DPH7: variants seen among roughly 807,000 people sequenced by gnomAD.
DPH7 encodes diphthamide biosynthesis 7.
DPH7 carries 44 observed loss-of-function variants against 41.7 expected under a neutral mutation model. The observed-to-expected ratio is 1.05, with a 90% CI of 0.83 to 1.36. The LOEUF (loss-of-function observed/expected upper bound fraction) is 1.36. Among genes scored for constraint, DPH7 ranks in the 40% most tolerant of loss-of-function variants. The probability of loss-of-function intolerance (pLI) is 0.00; values close to 1 mark genes in which losing one functional copy is unlikely to be tolerated. For synonymous variants in DPH7, 275 were observed against 238.0 expected, an observed-to-expected ratio of 1.16 and a Z score of -1.43; for missense variants, 629 against 577.5, an observed-to-expected ratio of 1.09 and a Z score of -0.91.
intron 2 of DPH7, 82 bp downstream of exon 2, chr9:137,577,388 T>C (rs1433146880): frequency 2.2e-6 from 3 of 1,363,620 alleles, no homozygotes; most frequent in Admixed American, 1.9e-5. Context: ...AATGCCTGTC[T>C]TGTTGAAGGC....
At chr9:137,564,795 C>T in intron 7 of DPH7, 98 bp downstream of exon 7, 1 of 1,463,390 alleles carries the variant, frequency 6.8e-7, no homozygotes, top group Non-Finnish European at 9.3e-7. Context: ...TGCAATGGTG[C>T]CAGGAGGAAA....
chr9:137,571,603 C>T (rs997415265), intron 5 of DPH7, among the ~76,000 whole-genome samples: 8 of 151,840 alleles, frequency 5.3e-5, no homozygotes, highest in Admixed American at 2.0e-4. Flanking sequence ...GCCTGGGCAA[C>T]ATGGTAAAAC....
At chr9:137,574,517 T>A (rs1347310767) in intron 4 of DPH7, 137 bp from the exon 5 acceptor site, 6 of 939,188 alleles carry the variant, frequency 6.4e-6, no homozygotes, top group Non-Finnish European at 9.5e-6. Flanking sequence ...GCGGCTAAGA[T>A]CACAACCACT....
rs191902086 is a variant in DPH7 at position 137,564,208 on chromosome 9, G to T, written c.949+226C>A. Among the ~76,000 whole-genome samples, 59 of 152,372 alleles carry T rather than the reference G, an allele frequency of 3.9e-4. 1 individual carries two copies. Among genetic ancestry groups the T allele is most frequent in the African/African-American group, 1.4e-3 (57 of 41,584 alleles). ...AAATGCAGGAGGCACCGGAATGACGGAGCTGGGAAACCAGGGAAAACTGTG... is the reference window on the plus strand; with the variant it reads ...AAATGCAGGAGGCACCGGAATGACGTAGCTGGGAAACCAGGGAAAACTGTG... On this transcript the variant is annotated intron_variant, in intron 8 of 8. Transcript: ENST00000277540.
At position 137,575,675 on chromosome 9, in the gene DPH7, G is replaced by A. The variant is rs1215802232; in HGVS notation, c.375+405C>T. 5.8e-6 allele frequency: 6 copies of A among 1,036,328 alleles called. No homozygotes were observed. The African/African-American group carries it at 6.7e-5, about 12-fold the overall frequency. The allele number at this position is 1,036,328 out of a possible 1,614,324, so 64.2% of individuals were successfully genotyped here. On this transcript the variant is annotated intron_variant, in intron 3 of 8. Transcript: ENST00000277540. ...TGTTAATGCATGGCTCCAGAGCACT[G>A]TGAGAAACTCGGAAAAATTCACACA...
At chr9:137,578,449 A>C in intron 1 of DPH7, 176 bp downstream of exon 1, 1 of 720,470 alleles carries the variant, frequency 1.4e-6, no homozygotes, top group Non-Finnish European at 2.1e-6. Flanking sequence ...TACAGGCGTG[A>C]GCCACTGCGC....
rs3750384 is a variant in DPH7 at position 137,555,270 on chromosome 9, G to A, written c.1328C>T (p.Ala443Val). ...LLATCSFYDH[A>V]LHLWEWEGN ...CCCCTCCCACTCCCAGAGGTGGAGC[G>A]CATGGTCATAGAAGGAGCAGGTGGC... is the stretch of plus-strand genomic sequence containing the variant. Residue 443 changes from alanine to valine, a missense_variant, in exon 9 of 9, where the codon GCG (alanine) becomes GTG (valine). Transcript: ENST00000277540. 43 of 1,610,642 alleles carry A rather than the reference G, an allele frequency of 2.7e-5. No individual in the cohort carries two copies. In the East Asian group the frequency reaches 4.9e-4, roughly 18 times the overall value.
rs1012892657 is a variant in DPH7 at position 137,556,892 on chromosome 9, C to T, written c.950-1244G>A. ...GGGAAAAAGACAGCGAATGAGTGGA[C>T]GGAAGACACTGTTGCGACCCCAAGA... On this transcript the variant is annotated intron_variant, in intron 8 of 8. Transcript: ENST00000277540. The surrounding 1 kb of genome is among the most constrained non-coding windows in gnomAD (Gnocchi z 5.2). The T allele has an allele frequency of 2.8e-5, 13 of 456,664 alleles. No homozygotes were observed. Among genetic ancestry groups the T allele is most frequent in the African/African-American group, 1.2e-4 (6 of 50,198 alleles). The allele number at this position is 456,664 out of a possible 1,614,324, so 28.3% of individuals were successfully genotyped here.
chr9:137,576,913 T>C (rs1002370890), intron 2 of DPH7, among the ~76,000 whole-genome samples: 1 of 150,378 alleles, frequency 6.6e-6, no homozygotes, highest in African/African-American at 2.4e-5. Context: ...AGAGGCATGG[T>C]GGCATCTACC....
At position 137,576,088 on chromosome 9, in the gene DPH7, C is replaced by A; in HGVS notation, c.367G>T (p.Glu123Ter). The change falls in exon 3 of 9, where the codon GAA becomes TAA. Residue 123 changes from glutamate to a stop codon, truncating the protein, a stop_gained. Transcript: ENST00000277540. LOFTEE classifies it high-confidence loss of function. ...SGSIQLLRLV[E>*]SEKSHVLEPL... ...AAGTGCAAGTCACTGACCTCAGATT[C>A]CACCAGGCGGAGCAGTTGTATGGAT... is the stretch of plus-strand genomic sequence containing the variant. 1 of 1,613,942 alleles carries A rather than the reference C, an allele frequency of 6.2e-7. No homozygotes were observed. The highest frequency in any genetic ancestry group is 8.5e-7 in the Non-Finnish European group (1 of 1,180,036).
At chr9:137,574,462 C>T (rs760160664) in intron 4 of DPH7, 82 bp from the exon 5 acceptor site, 50 of 1,465,550 alleles carry the variant, frequency 3.4e-5, no homozygotes, top group Non-Finnish European at 4.0e-5. Flanking sequence ...TCCTGAGAGA[C>T]GGTCTCCACA....
At chr9:137,577,744 C>G in intron 1 of DPH7, 141 bp from the exon 2 acceptor site, 2 of 1,163,594 alleles carry the variant, frequency 1.7e-6, no homozygotes, top group Non-Finnish European at 2.4e-6. Context: ...CTCTGGTTTT[C>G]TGAGCTGGAG....
rs528999648 is a variant in DPH7, at chr9:137,556,752, C to T, written c.950-1104G>A. The T allele has an allele frequency of 1.3e-5, 6 of 453,802 alleles. No individual in the cohort carries two copies. The highest frequency in any genetic ancestry group is 8.0e-5 in the African/African-American group (4 of 50,108). 28.1% of individuals were successfully genotyped at this position (453,802 alleles called of 1,614,324 possible). ...AGCGTCACAGGGCAGGCAGGACCTC[C>T]GCTAGTCTTTCATCCAGCAATCGCT... is the stretch of plus-strand genomic sequence containing the variant. On this transcript the variant is annotated intron_variant, in intron 8 of 8. Coordinates refer to ENST00000277540, the MANE Select transcript of DPH7 (RefSeq NM_138778.5). This position sits in a 1 kb window ranked among gnomAD's most constrained non-coding sequence, Gnocchi z 5.2.
At chr9:137,576,846 C>T (rs935292958) in intron 2 of DPH7, among the ~76,000 whole-genome samples, 1 of 151,358 alleles carries the variant, frequency 6.6e-6, no homozygotes, top group Non-Finnish European at 1.5e-5. Flanking sequence ...GCCGAGACCG[C>T]GCCACTGCAC....
intron 5 of DPH7, among the ~76,000 whole-genome samples, chr9:137,572,453 T>A (rs1351523051): frequency 6.6e-6 from 1 of 152,180 alleles, no homozygotes; most frequent in East Asian, 1.9e-4. Flanking sequence ...TGTGTGTTTT[T>A]AAAACACTTG....
intron 8 of DPH7, among the ~76,000 whole-genome samples, chr9:137,557,074 G>T (rs1238193756): frequency 1.3e-5 from 2 of 152,096 alleles, no homozygotes; most frequent in Non-Finnish European, 2.9e-5. Context: ...ATGCCCCCTA[G>T]TTTTTTCTAT....
chr9:137,569,719 G>GATCCATCC (rs772760705), intron 5 of DPH7, among the ~76,000 whole-genome samples: 5,316 of 95,380 alleles, frequency 0.056, 182 homozygotes, highest in African/African-American at 0.11. Context: ...ATCCACCCAT[G>GATCCATCC]ATCCATCCAT....
At chr9:137,577,636 C>T in intron 1 of DPH7, 33 bp from the exon 2 acceptor site, 2 of 1,604,164 alleles carry the variant, frequency 1.2e-6, no homozygotes, top group Non-Finnish European at 1.7e-6. Flanking sequence ...CTCTGATTAT[C>T]CCAAGACACG....
At position 137,564,502 on chromosome 9, in the gene DPH7, T is replaced by C. The variant is rs1255690544; in HGVS notation, c.881A>G (p.His294Arg). ...GVWRIKWHPF[H>R]HHLLLAACMH... Reference sequence around the variant, plus strand: ...GCAGGCGGCCAGGAGCAGGTGGTGGTGGAAAGGGTGCCACTTGATTCTCCA... The same window carrying C: ...GCAGGCGGCCAGGAGCAGGTGGTGGCGGAAAGGGTGCCACTTGATTCTCCA... The change falls in exon 8 of 9, where the codon CAC (histidine) becomes CGC (arginine). Residue 294 changes from histidine (H) to arginine (R), a missense_variant. Physicochemically the swap from His to Arg is conservative, Grantham distance 29. Coordinates refer to ENST00000277540, the MANE Select transcript of DPH7 (RefSeq NM_138778.5). The C allele has an allele frequency of 6.2e-7, 1 of 1,614,074 alleles. No homozygotes were observed. Among genetic ancestry groups the C allele is most frequent in the South Asian group, 1.1e-5 (1 of 91,074 alleles).
Sources: allele counts gnomAD v4.1 joint callset (sites outside exome capture counted in the v4.1 genomes callset), GRCh38; gene constraint gnomAD v4.1.1; non-coding constraint Gnocchi (gnomAD v3.1); transcripts MANE v1.5; gene names NCBI Gene and HGNC (gene_info 2026-07-23, HGNC 2026-07-21).